Variants in PHACTR2 observed in about 807,000 individuals in gnomAD.
PHACTR2 encodes the protein phosphatase and actin regulator 2.
In PHACTR2, 30 loss-of-function variants were observed where a neutral mutation model predicts 76.0. That is an observed-to-expected ratio of 0.39 (90% CI 0.30 to 0.54). PHACTR2 has a LOEUF of 0.54. Ranked by LOEUF, PHACTR2 falls within the 20% of genes least tolerant of loss-of-function variation. The pLI, the probability that PHACTR2 is intolerant of heterozygous loss-of-function variation, is 0.61. For synonymous variants in PHACTR2, 292 were observed against 292.5 expected (o/e 1.00, Z 0.02); for missense variants, 696 against 781.1 (o/e 0.89, Z 1.30).
intron 2 of PHACTR2, among the ~76,000 whole-genome samples, chr6:143,723,678 G>T (rs1172107241): frequency 6.6e-6 from 1 of 152,158 alleles, no homozygotes; most frequent in Admixed American, 6.5e-5. Context: ...GGGAAAATCA[G>T]AGTATACGTG....
chr6:143,637,698 T>G (rs1253637359), intron 1 of PHACTR2, among the ~76,000 whole-genome samples: 1 of 152,244 alleles, frequency 6.6e-6, no homozygotes, highest in African/African-American at 2.4e-5. Context: ...GCAGAGTCAG[T>G]TCTTTGCAGC....
chr6:143,634,223 C>A (rs556481485), intron 1 of PHACTR2, among the ~76,000 whole-genome samples: 37 of 152,280 alleles, frequency 2.4e-4, no homozygotes, highest in Non-Finnish European at 4.0e-4. Flanking sequence ...GGAATTGCAA[C>A]CTCTTTGGGA....
chr6:143,542,317 A>C (rs934483299), intron 1 of PHACTR2, among the ~76,000 whole-genome samples: 3 of 152,118 alleles, frequency 2.0e-5, no homozygotes, highest in Non-Finnish European at 4.4e-5. Flanking sequence ...TTCATTCCAG[A>C]AGGGGCATCT....
In PHACTR2 at chr6:143,755,317, CA is replaced by C. The variant is rs1371895231; in HGVS notation, c.454+1408del. On this transcript the variant is annotated intron_variant, in intron 4 of 12. Transcript: ENST00000440869. The surrounding 1 kb of genome is among the most constrained non-coding windows in gnomAD (Gnocchi z 5.2). ...CCTGTCTCGCCAGACTGTTGAATTT[CA>C]AATCCATCTGTGGTTTGTCCCTGGC... The C allele has an allele frequency of 3.5e-5, 16 of 455,920 alleles. No individual in the cohort carries two copies. Among genetic ancestry groups the C allele is most frequent in the Non-Finnish European group, 5.7e-5 (13 of 226,798 alleles). 28.2% of individuals were successfully genotyped at this position (455,920 alleles called of 1,614,324 possible). A position where few individuals can be genotyped will look rare whatever the true frequency, so the allele number is the denominator to read the frequency against.
rs2128427864 is a variant in PHACTR2 at position 143,554,536 on chromosome 6, C to T, written c.217+17329C>T. 6.6e-6 allele frequency: 1 copy of T among 152,298 alleles called. No individual in the cohort carries two copies. The highest frequency in any genetic ancestry group is 2.1e-4 in the South Asian group (1 of 4,818). 9.4% of individuals were successfully genotyped at this position (152,298 alleles called of 1,614,324 possible). On this transcript the variant is annotated intron_variant, in intron 1 of 11. Transcript: ENST00000367584. The surrounding 1 kb of genome is among the most constrained non-coding windows in gnomAD (Gnocchi z 5.9). ...ATGGAAAATTACTAAAAGGAAACGT[C>T]AGCGTTAGAGCAGTCTTGCTGAAGA...
chr6:143,604,592 A>C (rs1374427782), upstream of PHACTR2, among the ~76,000 whole-genome samples: 2 of 152,148 alleles, frequency 1.3e-5, no homozygotes, highest in Non-Finnish European at 2.9e-5. Flanking sequence ...AAAGTTAAGA[A>C]GTAATGTGAC....
chr6:143,713,172 C>T (rs1355033149), intron 2 of PHACTR2, among the ~76,000 whole-genome samples: 2 of 152,100 alleles, frequency 1.3e-5, no homozygotes, highest in African/African-American at 4.8e-5. Flanking sequence ...ATTAAAAATA[C>T]TACACACAAT....
At chr6:143,694,895 T>A (rs552336653) in intron 1 of PHACTR2, among the ~76,000 whole-genome samples, 3 of 152,242 alleles carry the variant, frequency 2.0e-5, no homozygotes, top group African/African-American at 7.2e-5. Context: ...TTTTAACTGG[T>A]GCAGTCAGTT....
intron 1 of PHACTR2, among the ~76,000 whole-genome samples, chr6:143,620,630 A>C (rs182883590): frequency 6.6e-6 from 1 of 152,224 alleles, no homozygotes; most frequent in African/African-American, 2.4e-5. Context: ...CAGCAGCCTC[A>C]TGCACAGCTT....
intron 1 of PHACTR2, among the ~76,000 whole-genome samples, chr6:143,694,796 G>A (rs927048084): frequency 6.6e-6 from 1 of 152,214 alleles, no homozygotes; most frequent in Non-Finnish European, 1.5e-5. Context: ...ACGACTAACT[G>A]CATTTGTATT....
chr6:143,678,941 T>TAAAAAA lies in PHACTR2; in HGVS notation c.46+741_46+746dup, dbSNP rs764703736. Among the ~76,000 whole-genome samples the TAAAAAA allele has an allele frequency of 7.4e-6, 1 of 134,398 alleles. No individual in the cohort carries two copies. Among genetic ancestry groups the TAAAAAA allele is most frequent in the Non-Finnish European group, 1.7e-5 (1 of 60,468 alleles). The allele number at this position is 134,398 out of a possible 152,430, so 88.2% of individuals were successfully genotyped here. On this transcript the variant is annotated intron_variant, in intron 1 of 12. Transcript: ENST00000440869. This position sits in a 1 kb window ranked among gnomAD's most constrained non-coding sequence, Gnocchi z 6.2. ...TGGCATTTCCCCGACAGTGTAGGGA[T>TAAAAAA]AAAAAAAAAAAAAACTGTTTGGTGG...
At chr6:143,612,289 TCA>T (rs1464095566) in intron 1 of PHACTR2, among the ~76,000 whole-genome samples, 5 of 152,306 alleles carry the variant, frequency 3.3e-5, no homozygotes, top group African/African-American at 1.2e-4. Context: ...GGCCAGGCTG[TCA>T]CATAAGAAAA....
rs893166532 is a variant in PHACTR2, at chr6:143,818,923, C to T, written c.1923-4751C>T. On this transcript the variant is annotated intron_variant, in intron 12 of 12. Transcript: ENST00000440869. The surrounding 1 kb of genome is among the most constrained non-coding windows in gnomAD (Gnocchi z 4.9). ...ATTTGATTTAAGAGGTTTTCAGTTA[C>T]TCTTTGAAATATTTTTATAGAACTT... Among the ~76,000 whole-genome samples the T allele has an allele frequency of 1.3e-5, 2 of 152,160 alleles. No individual in the cohort carries two copies. The highest frequency in any genetic ancestry group is 4.8e-5 in the African/African-American group (2 of 41,434).
In PHACTR2 at chr6:143,598,364, T is replaced by C. The variant is rs776795623; in HGVS notation, c.217+61157T>C. Among the ~76,000 whole-genome samples the C allele has an allele frequency of 2.0e-4, 30 of 151,932 alleles. No homozygotes were observed. Among genetic ancestry groups the C allele is most frequent in the Admixed American group, 3.3e-4 (5 of 15,240 alleles). ...AAAGAATGCAACTGAGCCTAGGAGG[T>C]GGAAGAGACCAAGCCAGAGCCTCCA... On this transcript the variant is annotated intron_variant, in intron 1 of 11. Coordinates refer to the PHACTR2 transcript ENST00000367584. This position sits in a 1 kb window ranked among gnomAD's most constrained non-coding sequence, Gnocchi z 4.1.
At position 143,671,642 on chromosome 6, in the gene PHACTR2, G is replaced by C. The variant is rs1777155170; in HGVS notation, c.14-40374G>C. On this transcript the variant is annotated intron_variant, in intron 1 of 11. Transcript: ENST00000305766. The surrounding 1 kb of genome is among the most constrained non-coding windows in gnomAD (Gnocchi z 4.6). Reference sequence around the variant, plus strand: ...ATGAGTGCAGGTGTTTTTGTATTTTGTATAATTCTGTCTCCTAAGTACCTA... The same window carrying C: ...ATGAGTGCAGGTGTTTTTGTATTTTCTATAATTCTGTCTCCTAAGTACCTA... 6.6e-6 allele frequency among the ~76,000 whole-genome samples: 1 copy of C among 152,130 alleles called. No individual in the cohort carries two copies. Among genetic ancestry groups the C allele is most frequent in the African/African-American group, 2.4e-5 (1 of 41,404 alleles).
At chr6:143,551,446 GAA>G (rs1318967560) in intron 1 of PHACTR2, among the ~76,000 whole-genome samples, 1 of 152,198 alleles carries the variant, frequency 6.6e-6, no homozygotes, top group Non-Finnish European at 1.5e-5. Flanking sequence ...GTGGACTTTT[GAA>G]AAGTTTTACA....
intron 10 of PHACTR2, among the ~76,000 whole-genome samples, chr6:143,785,846 A>T (rs948248334): frequency 6.6e-6 from 1 of 152,242 alleles, no homozygotes; most frequent in Non-Finnish European, 1.5e-5. Flanking sequence ...GCTGGGGCAC[A>T]GGGCACCAAG....
chr6:143,579,681 G>A (rs1775551219), intron 1 of PHACTR2, among the ~76,000 whole-genome samples: 1 of 152,114 alleles, frequency 6.6e-6, no homozygotes, highest in East Asian at 1.9e-4. Flanking sequence ...GTGGCCTGGA[G>A]GAGAAGACCC....
In PHACTR2 at chr6:143,775,061, TG is replaced by T. The variant is rs938699765; in HGVS notation, c.1589+852del. Among the ~76,000 whole-genome samples the T allele has an allele frequency of 3.5e-4, 53 of 151,832 alleles. No homozygotes were observed. Among genetic ancestry groups the T allele is most frequent in the Middle Eastern group, 6.8e-3 (2 of 294 alleles). Reference sequence around the variant, plus strand: ...AGAATCCCAGAGCAGGATTTGGAGGTGGGGGGAAAATTGCTGTCCTTGCTTG... The same window carrying T: ...AGAATCCCAGAGCAGGATTTGGAGGTGGGGGAAAATTGCTGTCCTTGCTTG... On this transcript the variant is annotated intron_variant, in intron 8 of 12. Transcript: ENST00000440869. The surrounding 1 kb of genome is among the most constrained non-coding windows in gnomAD (Gnocchi z 4.4).
Sources: allele counts gnomAD v4.1 joint callset (sites outside exome capture counted in the v4.1 genomes callset), GRCh38; gene constraint gnomAD v4.1.1; non-coding constraint Gnocchi (gnomAD v3.1); transcripts MANE v1.5; gene names NCBI Gene and HGNC (gene_info 2026-07-23, HGNC 2026-07-21).